The following ATE1 variants were observed in gnomAD, a reference collection of about 807,000 sequenced individuals.
ATE1 encodes arginyl-tRNA--protein transferase 1.
A neutral mutation model predicts 70.5 loss-of-function variants in ATE1; 36 were observed. That is an observed-to-expected ratio of 0.51 (90% CI 0.39 to 0.67). The LOEUF (loss-of-function observed/expected upper bound fraction) is 0.67, where lower values mean the gene tolerates loss of function less well. ATE1 is among the 30% of genes least tolerant of loss of function. The pLI is 0.00. For synonymous variants in ATE1, 232 were observed against 219.3 expected, an observed-to-expected ratio of 1.06 and a Z score of -0.51; for missense variants, 593 against 629.5, an observed-to-expected ratio of 0.94 and a Z score of 0.62.
intron 8 of ATE1, among the ~76,000 whole-genome samples, chr10:121,857,653 C>T (rs1052906894): frequency 6.6e-5 from 10 of 152,158 alleles, no homozygotes; most frequent in African/African-American, 2.4e-4. Context: ...GGCACTCATA[C>T]ATTCATCATA....
At chr10:121,781,987 A>G (rs894474805) in intron 11 of ATE1, among the ~76,000 whole-genome samples, 1 of 152,218 alleles carries the variant, frequency 6.6e-6, no homozygotes, top group Non-Finnish European at 1.5e-5. Flanking sequence ...TAAAATAAAC[A>G]GAACTTCACA....
intron 10 of ATE1, among the ~76,000 whole-genome samples, chr10:121,810,062 A>C (rs867115260): frequency 6.6e-6 from 1 of 152,218 alleles, no homozygotes; most frequent in African/African-American, 2.4e-5. Context: ...AGCTCTGGAC[A>C]TTCTGAAAAG....
chr10:121,790,932 T>G (rs1946405198), intron 10 of ATE1, among the ~76,000 whole-genome samples: 1 of 131,778 alleles, frequency 7.6e-6, no homozygotes, highest in African/African-American at 2.8e-5. Flanking sequence ...TTTAAAAATT[T>G]TATGTGTACA....
intron 11 of ATE1, among the ~76,000 whole-genome samples, chr10:121,750,001 T>A (rs1161747026): frequency 2.0e-5 from 3 of 152,232 alleles, no homozygotes; most frequent in Non-Finnish European, 4.4e-5. Flanking sequence ...CTTAGTTACG[T>A]TCCTAAGAAA....
intron 8 of ATE1, among the ~76,000 whole-genome samples, chr10:121,864,023 C>T (rs1949572037): frequency 6.6e-6 from 1 of 152,044 alleles, no homozygotes; most frequent in Admixed American, 6.6e-5. Context: ...CTGACAATCT[C>T]TGACTTTTAA....
At chr10:121,911,756 T>TA (rs1951441559) in intron 4 of ATE1, among the ~76,000 whole-genome samples, 1 of 143,668 alleles carries the variant, frequency 7.0e-6, no homozygotes, top group Non-Finnish European at 1.5e-5. Flanking sequence ...AGAAACAGAC[T>TA]TTTTTTTTTT....
intron 6 of ATE1, among the ~76,000 whole-genome samples, chr10:121,901,510 G>A (rs1310029841): frequency 1.3e-5 from 2 of 152,126 alleles, no homozygotes; most frequent in East Asian, 1.9e-4. Flanking sequence ...AGGCTGGAGT[G>A]CAGTGGTGTG....
chr10:121,888,272 G>T (rs10788220), intron 7 of ATE1, among the ~76,000 whole-genome samples: 65,852 of 151,696 alleles, frequency 0.43, 15,401 homozygotes, highest in South Asian at 0.53. Flanking sequence ...CAGGCGCCTG[G>T]AGTCCGAGCT....
At chr10:121,902,189 T>TA (rs1040281813) in intron 6 of ATE1, among the ~76,000 whole-genome samples, 3 of 151,244 alleles carry the variant, frequency 2.0e-5, no homozygotes, top group Non-Finnish European at 2.9e-5. Context: ...AAAAGTCTTT[T>TA]AAAAAAAAAG....
intron 3 of ATE1, among the ~76,000 whole-genome samples, chr10:121,921,633 T>C (rs78755408): frequency 1.3e-5 from 2 of 152,026 alleles, no homozygotes; most frequent in African/African-American, 4.8e-5. Flanking sequence ...CTGGGCACCA[T>C]AGTGAAGATT....
At chr10:121,916,018 C>T (rs946502320) in intron 3 of ATE1, among the ~76,000 whole-genome samples, 1 of 151,524 alleles carries the variant, frequency 6.6e-6, no homozygotes, top group Admixed American at 6.6e-5. Flanking sequence ...GGGCAGATCA[C>T]AAGGTCAGGA....
intron 10 of ATE1, among the ~76,000 whole-genome samples, chr10:121,814,861 G>C (rs1325940320): frequency 6.6e-6 from 1 of 152,104 alleles, no homozygotes; most frequent in Admixed American, 6.5e-5. Context: ...ATGAGCACAG[G>C]ACATACCAAA....
In ATE1 at chr10:121,922,306, T is replaced by C. The variant is rs1195357616; in HGVS notation, c.233+43A>G. On this transcript the variant is annotated intron_variant, in intron 3 of 11. Coordinates refer to ENST00000224652, the MANE Select transcript of ATE1 (RefSeq NM_001001976.3). ...GAGACTACTAAAATATTATACACAA[T>C]CTTCATACTATAAATCCTCTTTCTA... is the stretch of plus-strand genomic sequence containing the variant. 5 of 1,340,718 alleles carry C rather than the reference T, an allele frequency of 3.7e-6. No homozygotes were observed. The East Asian group carries it at 9.4e-5, about 25-fold the overall frequency. The allele number at this position is 1,340,718 out of a possible 1,614,324, so 83.1% of individuals were successfully genotyped here.
chr10:121,870,491 CCA>C (rs1949814934), intron 7 of ATE1, among the ~76,000 whole-genome samples: 1 of 136,754 alleles, frequency 7.3e-6, no homozygotes, highest in Admixed American at 7.7e-5. Context: ...AGAGGAAAGA[CCA>C]AGAGAGAGGT....
At chr10:121,927,762 C>T (rs531385872) in intron 1 of ATE1, 82 bp downstream of exon 1, 123 of 1,450,308 alleles carry the variant, frequency 8.5e-5, no homozygotes, top group Admixed American at 4.6e-4. Context: ...GGCTCCGGCC[C>T]CCTCGCGTCC....
chr10:121,787,152 A>G (rs1056284205), intron 11 of ATE1, among the ~76,000 whole-genome samples: 5 of 152,236 alleles, frequency 3.3e-5, no homozygotes, highest in African/African-American at 1.2e-4. Context: ...CACACCTTGA[A>G]GCCACAGTTG....
At position 121,743,701 on chromosome 10, in the gene ATE1, C is replaced by T; in HGVS notation, c.1536G>A (p.Arg512=). ...ASLVGQKCSE[R]MLLFRN is the part of the protein sequence containing the mutation. ...CAGGTCAGTTTCTGAACAGCAGCAT[C>T]CGCTCGGAGCACTTCTGCCCCACCA... Residue 512 remains arginine, a synonymous_variant, in exon 12 of 12, where the codon CGG becomes CGA. Coordinates refer to ENST00000224652, the MANE Select transcript of ATE1 (RefSeq NM_001001976.3). 1.2e-6 allele frequency: 2 copies of T among 1,611,618 alleles called. No homozygotes were observed. The highest frequency in any genetic ancestry group is 1.3e-5 in the African/African-American group (1 of 74,852).
At chr10:121,898,848 T>C (rs752245339) in intron 7 of ATE1, 1 of 1,613,606 alleles carries the variant, frequency 6.2e-7, no homozygotes, top group African/African-American at 1.3e-5. Context: ...TACCTCAGTC[T>C]TCCCACATTC....
intron 10 of ATE1, among the ~76,000 whole-genome samples, chr10:121,824,752 A>T (rs974659598): frequency 7.2e-5 from 11 of 152,208 alleles, no homozygotes; most frequent in Non-Finnish European, 1.6e-4. Context: ...CCTTCTTCAG[A>T]TCATAGAATG....
Sources: gnomAD v4.1 joint callset for allele counts (sites outside exome capture counted in the v4.1 genomes callset) on GRCh38, gnomAD v4.1.1 for gene constraint, MANE v1.5 for transcripts, NCBI Gene and HGNC (gene_info 2026-07-23, HGNC 2026-07-21) for gene names.